CSNK1G1: variants seen among roughly 807,000 people sequenced by gnomAD.
The protein encoded by CSNK1G1 is casein kinase I isoform gamma-1.
Under a neutral mutation model 59.6 loss-of-function variants are expected in CSNK1G1, and 22 were observed. That is an observed-to-expected ratio of 0.37 (90% CI 0.26 to 0.53). CSNK1G1 has a LOEUF of 0.53. Among genes scored for constraint, CSNK1G1 ranks in the 20% least tolerant of loss-of-function variants. CSNK1G1 has a pLI of 0.89. For synonymous variants in CSNK1G1, 179 were observed against 177.1 expected (o/e 1.01, Z -0.08); for missense variants, 384 against 519.5 (o/e 0.74, Z 2.54).
rs978189649 is a variant in CSNK1G1, at chr15:64,188,167, T to C, written c.1108-7713A>G. 5.3e-5 allele frequency among the ~76,000 whole-genome samples: 8 copies of C among 152,360 alleles called. No individual in the cohort carries two copies. The highest frequency in any genetic ancestry group is 1.7e-4 in the African/African-American group (7 of 41,578). On this transcript the variant is annotated intron_variant, in intron 10 of 11. Transcript: ENST00000303052. The surrounding 1 kb of genome is among the most constrained non-coding windows in gnomAD (Gnocchi z 4.2). ...CCAGAAATCAGTATCAGAAATCATA[T>C]AGATGTTTCTTAGTCAATGACAACA...
chr15:64,316,233 A>T (rs1010589092), intron 1 of CSNK1G1, among the ~76,000 whole-genome samples: 2 of 152,034 alleles, frequency 1.3e-5, no homozygotes, highest in Admixed American at 1.3e-4. Flanking sequence ...AAACAAACAA[A>T]CAAACAGAAA....
intron 1 of CSNK1G1, among the ~76,000 whole-genome samples, chr15:64,336,567 G>C (rs1897398178): frequency 1.3e-5 from 2 of 151,996 alleles, no homozygotes. Context: ...TGACCAGCCT[G>C]GGCAACTTAG....
chr15:64,342,522 G>A (rs1897732384), intron 1 of CSNK1G1: 1 of 151,998 alleles, frequency 6.6e-6, no homozygotes, highest in South Asian at 2.1e-4. Flanking sequence ...AAAGTATTGT[G>A]CAGATCACCA....
chr15:64,268,166 G>A (rs1013516407), intron 2 of CSNK1G1, among the ~76,000 whole-genome samples: 1 of 152,154 alleles, frequency 6.6e-6, no homozygotes, highest in African/African-American at 2.4e-5. Flanking sequence ...AGGAAGTGCT[G>A]TCATTTGTGG....
chr15:64,280,050 A>G (rs1041568865), intron 2 of CSNK1G1, among the ~76,000 whole-genome samples: 5 of 152,134 alleles, frequency 3.3e-5, no homozygotes. Context: ...ATATTCATAC[A>G]CTGGATGAGG....
chr15:64,171,933 A>C lies in CSNK1G1; in HGVS notation c.1267T>G (p.Ter423GlyextTer57), dbSNP rs773099913. Residue 423 changes from the stop codon to glycine, a stop_lost, in exon 12 of 12, where the codon TGA becomes GGA. Transcript: ENST00000303052. This position sits in a 1 kb window ranked among gnomAD's most constrained non-coding sequence, Gnocchi z 4.8. The stretch of plus-strand genomic sequence containing the variant: ...TGAGGACTCCTGGGAGGCACTGGTC[A>C]CTTGTGGCGCTGAGCAGTCTTCTTC... The part of the protein sequence containing the change: ...KRKKTAQRHK[*>G] The C allele has an allele frequency of 6.2e-7, 1 of 1,614,050 alleles. No homozygotes were observed. The highest frequency in any genetic ancestry group is 1.7e-5 in the Admixed American group (1 of 60,030).
At chr15:64,341,590 A>T (rs1897682960) in intron 1 of CSNK1G1, among the ~76,000 whole-genome samples, 3 of 152,104 alleles carry the variant, frequency 2.0e-5, no homozygotes, top group African/African-American at 7.2e-5. Context: ...CTCTTGCCTC[A>T]ATCTCTTGAG....
At chr15:64,197,684 T>G (rs937805083) in intron 10 of CSNK1G1, among the ~76,000 whole-genome samples, 1 of 152,194 alleles carries the variant, frequency 6.6e-6, no homozygotes, top group East Asian at 1.9e-4. Flanking sequence ...ATGATTTCCA[T>G]GTTTGCTGCC....
In CSNK1G1 at chr15:64,169,777, T is replaced by C. The variant is rs562703313; in HGVS notation, c.*2154A>G. Reference sequence around the variant, plus strand: ...TATGTTTCATATATAGAAACATTTATAGAAATGACATATTACCATCTTTTC... The same window carrying C: ...TATGTTTCATATATAGAAACATTTACAGAAATGACATATTACCATCTTTTC... On this transcript the variant is annotated 3_prime_UTR_variant, in exon 12 of 12. Transcript: ENST00000303052. 2.6e-5 allele frequency: 4 copies of C among 152,362 alleles called. No individual in the cohort carries two copies. The highest frequency in any genetic ancestry group is 7.2e-5 in the African/African-American group (3 of 41,590). The allele number at this position is 152,362 out of a possible 1,614,324, so 9.4% of individuals were successfully genotyped here.
chr15:64,278,621 G>T (rs1893935190), intron 2 of CSNK1G1, among the ~76,000 whole-genome samples: 1 of 151,852 alleles, frequency 6.6e-6, no homozygotes, highest in Non-Finnish European at 1.5e-5. Context: ...TAGAGACAGG[G>T]TTTCACCATG....
intron 1 of CSNK1G1, among the ~76,000 whole-genome samples, chr15:64,343,498 C>G (rs767685233): frequency 5.9e-5 from 9 of 152,084 alleles, no homozygotes; most frequent in African/African-American, 1.9e-4. Flanking sequence ...TCTGATTCAT[C>G]TGATTTTTGA....
intron 1 of CSNK1G1, among the ~76,000 whole-genome samples, chr15:64,351,160 T>C (rs1356785682): frequency 3.3e-5 from 5 of 152,104 alleles, no homozygotes. Context: ...ATAAAAGAAA[T>C]ATGCTTTAAA....
intron 6 of CSNK1G1, among the ~76,000 whole-genome samples, chr15:64,208,067 C>T (rs72756934): frequency 0.044 from 6,728 of 152,288 alleles, 195 homozygotes; most frequent in South Asian, 0.085. Flanking sequence ...ATGCCAAGTG[C>T]TTTTTATTCA....
chr15:64,224,603 T>G (rs1341951382), intron 4 of CSNK1G1, among the ~76,000 whole-genome samples: 1 of 152,136 alleles, frequency 6.6e-6, no homozygotes, highest in African/African-American at 2.4e-5. Context: ...ACATATGAAT[T>G]TACTCAAAAT....
chr15:64,218,378 T>G (rs2082339233), intron 4 of CSNK1G1, among the ~76,000 whole-genome samples: 2 of 152,114 alleles, frequency 1.3e-5, no homozygotes, highest in African/African-American at 4.8e-5. Flanking sequence ...TCTATCTTGA[T>G]TCATTAAATC....
intron 1 of CSNK1G1, among the ~76,000 whole-genome samples, chr15:64,317,346 C>T (rs1020976767): frequency 3.3e-5 from 5 of 152,160 alleles, no homozygotes; most frequent in Non-Finnish European, 7.3e-5. Flanking sequence ...GCCTTGGCCT[C>T]CCAAAGTGCT....
At chr15:64,337,951 C>T (rs939153819) in intron 1 of CSNK1G1, among the ~76,000 whole-genome samples, 3 of 152,180 alleles carry the variant, frequency 2.0e-5, no homozygotes, top group Admixed American at 2.0e-4. Context: ...AGTTTACCCA[C>T]GTCATAGCAT....
chr15:64,327,796 T>C (rs1896930315), intron 1 of CSNK1G1, among the ~76,000 whole-genome samples: 1 of 75,678 alleles, frequency 1.3e-5, no homozygotes, highest in African/African-American at 5.8e-5. Flanking sequence ...GAAGAATGTA[T>C]AACTAGAATA....
chr15:64,293,344 A>C (rs950045853), intron 2 of CSNK1G1, among the ~76,000 whole-genome samples: 1 of 152,218 alleles, frequency 6.6e-6, no homozygotes, highest in Non-Finnish European at 1.5e-5. Context: ...AAAATAAGCA[A>C]ATATGTGTAA....
Sources: allele counts gnomAD v4.1 joint callset (sites outside exome capture counted in the v4.1 genomes callset), GRCh38; gene constraint gnomAD v4.1.1; non-coding constraint Gnocchi (gnomAD v3.1); transcripts MANE v1.5; gene names NCBI Gene and HGNC (gene_info 2026-07-23, HGNC 2026-07-21).